Variants in RASAL2 observed in about 807,000 individuals in gnomAD.
RASAL2 encodes the protein RAS protein activator like 2.
In RASAL2, 58 loss-of-function variants were observed where a neutral mutation model predicts 128.9. That is an observed-to-expected ratio of 0.45 (90% CI 0.36 to 0.56). The LOEUF (loss-of-function observed/expected upper bound fraction) is 0.56, where lower values mean the gene tolerates loss of function less well. RASAL2 is among the 20% of genes least tolerant of loss of function. RASAL2 has a pLI of 0.00. For synonymous variants in RASAL2, 561 were observed against 580.8 expected (o/e 0.97, Z 0.49); for missense variants, 1,360 against 1,601.6 (o/e 0.85, Z 2.57).
chr1:178,096,131 A>G (rs1433747221), intron 1 of RASAL2, among the ~76,000 whole-genome samples: 1 of 152,204 alleles, frequency 6.6e-6, no homozygotes. Flanking sequence ...AATCCCACTT[A>G]GCTGGTCATT....
At chr1:178,401,911 C>A (rs926670273) in intron 4 of RASAL2, among the ~76,000 whole-genome samples, 1 of 152,076 alleles carries the variant, frequency 6.6e-6, no homozygotes, top group Non-Finnish European at 1.5e-5. Flanking sequence ...AGTACCAGAA[C>A]AAAGATTTCA....
chr1:178,467,298 T>A, intron 16 of RASAL2, 36 bp from the exon 17 acceptor site: 2 of 1,558,360 alleles, frequency 1.3e-6, no homozygotes, highest in Non-Finnish European at 1.8e-6. Context: ...GCCCTTTCTT[T>A]GAAGATGTTG....
intron 3 of RASAL2, among the ~76,000 whole-genome samples, chr1:178,339,062 TAA>T (rs1669735840): frequency 6.6e-6 from 1 of 152,208 alleles, no homozygotes; most frequent in African/African-American, 2.4e-5. Context: ...TATTTAGACT[TAA>T]GAGGACTTTA....
In RASAL2 at chr1:178,246,700, G is replaced by A. The variant is rs572772880; in HGVS notation, c.203-36864G>A. On this transcript the variant is annotated intron_variant, in intron 1 of 17. Transcript: ENST00000367649. ...CCCATTCAGTATGATATTGGCTGTGGGTTTGTCATAAATAGCTCTTATTAT... is the reference window on the plus strand; with the variant it reads ...CCCATTCAGTATGATATTGGCTGTGAGTTTGTCATAAATAGCTCTTATTAT... Among the ~76,000 whole-genome samples, 4 of 152,048 alleles carry A rather than the reference G, an allele frequency of 2.6e-5. No individual in the cohort carries two copies. The East Asian group carries it at 5.8e-4, about 22-fold the overall frequency.
rs144830827 is a variant in RASAL2, at chr1:178,300,073, G to A, written c.412G>A (p.Glu138Lys). 490 of 1,613,788 alleles carry A rather than the reference G, an allele frequency of 3.0e-4. 1 individual carries two copies. Among genetic ancestry groups the A allele is most frequent in the Non-Finnish European group, 3.7e-4 (441 of 1,179,902 alleles). The change falls in exon 3 of 18, where the codon GAG (glutamate) becomes AAG (lysine). Residue 138 changes from glutamate (E) to lysine (K), a missense_variant. Glu to Lys is a moderately conservative substitution (Grantham distance 56, BLOSUM62 1). This residue lies in a region of RASAL2 where 617 missense variants were observed against 714.2 expected (regional missense o/e 0.86). Coordinates refer to ENST00000367649, the MANE Select transcript of RASAL2 (RefSeq NM_170692.4). ...CLRRTVSVPS[E>K]GQFPEYPPEG... The stretch of plus-strand genomic sequence containing the variant: ...GAGGAGAACTGTCAGTGTCCCTTCC[G>A]AGGGTCAGTTTCCCGAGTACCCACC...
chr1:178,138,689 C>G (rs1660420675), intron 1 of RASAL2, among the ~76,000 whole-genome samples: 1 of 152,090 alleles, frequency 6.6e-6, no homozygotes, highest in African/African-American at 2.4e-5. Flanking sequence ...ATTTTACTAT[C>G]AGTCATGTGA....
intron 5 of RASAL2, among the ~76,000 whole-genome samples, chr1:178,422,005 A>G (rs904301745): frequency 6.6e-6 from 1 of 151,888 alleles, no homozygotes; most frequent in African/African-American, 2.4e-5. Context: ...TAGAATAACA[A>G]TTTTTTTTCA....
intron 1 of RASAL2, among the ~76,000 whole-genome samples, chr1:178,267,146 C>A (rs1488605986): frequency 6.6e-6 from 1 of 152,182 alleles, no homozygotes; most frequent in Non-Finnish European, 1.5e-5. Context: ...TCTATCCATC[C>A]TTTTCTTAAC....
intron 1 of RASAL2, among the ~76,000 whole-genome samples, chr1:178,274,576 TC>T (rs995076245): frequency 1.3e-5 from 2 of 152,144 alleles, no homozygotes; most frequent in Non-Finnish European, 2.9e-5. Context: ...TGCTAGTTTT[TC>T]TTATGCTTTT....
At chr1:178,387,575 C>G (rs887109892) in intron 3 of RASAL2, among the ~76,000 whole-genome samples, 4 of 150,512 alleles carry the variant, frequency 2.7e-5, no homozygotes, top group African/African-American at 7.3e-5. Context: ...CTTCCTGTGT[C>G]CATGTGTTCT....
At chr1:178,160,468 C>A (rs1661241650) in intron 1 of RASAL2, among the ~76,000 whole-genome samples, 1 of 152,114 alleles carries the variant, frequency 6.6e-6, no homozygotes, top group South Asian at 2.1e-4. Flanking sequence ...AACCCAGTCT[C>A]TACTAAAAAT....
At chr1:178,321,428 C>A (rs1305425001) in intron 3 of RASAL2, among the ~76,000 whole-genome samples, 1 of 152,058 alleles carries the variant, frequency 6.6e-6, no homozygotes, top group Non-Finnish European at 1.5e-5. Flanking sequence ...TGAAATCTGG[C>A]TTTATTTGCC....
At chr1:178,323,733 A>G (rs1006142933) in intron 3 of RASAL2, among the ~76,000 whole-genome samples, 4 of 152,194 alleles carry the variant, frequency 2.6e-5, no homozygotes, top group African/African-American at 9.6e-5. Context: ...TCTTATATTT[A>G]TAGAGAATGA....
intron 1 of RASAL2, among the ~76,000 whole-genome samples, chr1:178,108,393 T>C (rs1476666039): frequency 6.6e-6 from 1 of 152,200 alleles, no homozygotes; most frequent in Non-Finnish European, 1.5e-5. Context: ...AGCATGATGA[T>C]AATGATGATA....
intron 1 of RASAL2, among the ~76,000 whole-genome samples, chr1:178,235,041 T>C (rs925732305): frequency 3.3e-5 from 5 of 152,168 alleles, no homozygotes; most frequent in Non-Finnish European, 5.9e-5. Flanking sequence ...TCTTGGCAAA[T>C]AGATAATTAC....
At position 178,442,702 on chromosome 1, in the gene RASAL2, C is replaced by T. The variant is rs767216621; in HGVS notation, c.955C>T (p.Leu319Phe). ...KDNCRRAENV[L>F]RLWIIEAKDL... ...CAATTGCAGGCGAGCTGAAAATGTT[C>T]TTCGTTTATGGATCATTGAAGCCAA... The change falls in exon 8 of 18, where the codon CTT becomes TTT. Residue 319 changes from leucine (L) to phenylalanine (F), a missense_variant. Leu to Phe is a conservative substitution (Grantham distance 22). This residue lies in a region of RASAL2 where 617 missense variants were observed against 714.2 expected (regional missense o/e 0.86). Transcript: ENST00000367649. 2 of 1,607,098 alleles carry T rather than the reference C, an allele frequency of 1.2e-6. No individual in the cohort carries two copies. Among genetic ancestry groups the T allele is most frequent in the Non-Finnish European group, 1.7e-6 (2 of 1,176,134 alleles).
intron 3 of RASAL2, among the ~76,000 whole-genome samples, chr1:178,357,299 G>C (rs761146305): frequency 5.4e-5 from 8 of 148,448 alleles, no homozygotes; most frequent in Non-Finnish European, 1.2e-4. Context: ...ATTTATTTTT[G>C]GTTATGTGAA....
At chr1:178,313,530 A>C (rs1051995444) in intron 3 of RASAL2, among the ~76,000 whole-genome samples, 1 of 151,174 alleles carries the variant, frequency 6.6e-6, no homozygotes, top group Non-Finnish European at 1.5e-5. Flanking sequence ...TCACTCTGTC[A>C]CCCGGGCTGG....
At chr1:178,121,023 AG>A (rs1463077095) in intron 1 of RASAL2, 6 of 152,350 alleles carry the variant, frequency 3.9e-5, no homozygotes, top group African/African-American at 7.2e-5. Context: ...TTAGAGAATC[AG>A]TTTCAGGGTC....
Sources: allele counts gnomAD v4.1 joint callset (sites outside exome capture counted in the v4.1 genomes callset), GRCh38; gene constraint gnomAD v4.1.1; regional missense constraint gnomAD v4.1.1; transcripts MANE v1.5; gene names NCBI Gene and HGNC (gene_info 2026-07-23, HGNC 2026-07-21).